ATG10: variants seen among roughly 807,000 people sequenced by gnomAD.
ATG10 encodes autophagy related 10.
In ATG10, 30 loss-of-function variants were observed where a neutral mutation model predicts 32.1. The ratio of observed to expected loss-of-function variants is 0.94; its 90% CI spans 0.70 to 1.27. The LOEUF is 1.27. ATG10 is among the 50% of genes most tolerant of loss of function. The pLI, the probability that ATG10 is intolerant of heterozygous loss-of-function variation, is 0.00. For missense variants in ATG10, 233 were observed against 262.3 expected (o/e 0.89, Z 0.77); for synonymous variants, 87 against 91.5 (o/e 0.95, Z 0.28).
chr5:82,229,613 G>A (rs904550102), intron 5 of ATG10, among the ~76,000 whole-genome samples: 2 of 152,184 alleles, frequency 1.3e-5, no homozygotes, highest in Admixed American at 1.3e-4. Context: ...GAGAAGTGGT[G>A]TGTTAATGCT....
At chr5:81,972,546 A>G (rs1180937736) in intron 1 of ATG10, 1 of 152,234 alleles carries the variant, frequency 6.6e-6, no homozygotes, top group African/African-American at 2.4e-5. Flanking sequence ...CGTCGCGCAC[A>G]CGGTGTCACC....
chr5:82,131,641 CTTT>C (rs71000885), intron 3 of ATG10, among the ~76,000 whole-genome samples: 4 of 146,490 alleles, frequency 2.7e-5, no homozygotes, highest in East Asian at 4.0e-4. Context: ...TTTTATTCTA[CTTT>C]TTTTTTTTTT....
At chr5:82,083,776 G>C (rs577698582) in intron 3 of ATG10, among the ~76,000 whole-genome samples, 8 of 152,152 alleles carry the variant, frequency 5.3e-5, no homozygotes, top group Non-Finnish European at 8.8e-5. Flanking sequence ...ACTGTTAGAA[G>C]GAAAATGAAC....
At chr5:82,231,353 T>C (rs905028952) in intron 5 of ATG10, among the ~76,000 whole-genome samples, 2 of 152,210 alleles carry the variant, frequency 1.3e-5, no homozygotes, top group African/African-American at 4.8e-5. Context: ...TGCTTAAAGT[T>C]TTAATAAAAC....
chr5:82,200,344 C>G (rs1745016723), intron 5 of ATG10, among the ~76,000 whole-genome samples: 1 of 151,122 alleles, frequency 6.6e-6, no homozygotes, highest in Non-Finnish European at 1.5e-5. Context: ...TAGTATCATA[C>G]TATGGTTTTT....
chr5:82,199,863 G>A (rs74960773), intron 5 of ATG10, among the ~76,000 whole-genome samples: 73 of 152,122 alleles, frequency 4.8e-4, no homozygotes, highest in African/African-American at 1.7e-3. Flanking sequence ...ATTGTTTTAC[G>A]TTTTTCGGAA....
intron 5 of ATG10, among the ~76,000 whole-genome samples, chr5:82,220,788 A>C (rs541568415): frequency 6.2e-4 from 91 of 147,488 alleles, no homozygotes; most frequent in Non-Finnish European, 7.6e-4. Flanking sequence ...TAAAGATGGA[A>C]TCTCGCTTTG....
intron 5 of ATG10, among the ~76,000 whole-genome samples, chr5:82,230,094 G>T (rs1388624447): frequency 6.6e-6 from 1 of 152,152 alleles, no homozygotes; most frequent in Admixed American, 6.5e-5. Flanking sequence ...CTTGCATCAG[G>T]TCACTAATTC....
chr5:82,201,906 A>G (rs887444635), intron 5 of ATG10, among the ~76,000 whole-genome samples: 1 of 152,214 alleles, frequency 6.6e-6, no homozygotes, highest in Non-Finnish European at 1.5e-5. Context: ...TATGTTTAAT[A>G]TCTGTTAAAT....
At chr5:82,185,440 T>G (rs1744411428) in intron 5 of ATG10, among the ~76,000 whole-genome samples, 2 of 152,198 alleles carry the variant, frequency 1.3e-5, no homozygotes, top group African/African-American at 4.8e-5. Flanking sequence ...TAATACTATA[T>G]AAGAGTAAGT....
At chr5:82,234,378 G>A (rs886141149) in intron 5 of ATG10, among the ~76,000 whole-genome samples, 1 of 152,154 alleles carries the variant, frequency 6.6e-6, no homozygotes, top group South Asian at 2.1e-4. Context: ...GGCCCACCCT[G>A]CAGAAGCAGG....
intron 4 of ATG10, among the ~76,000 whole-genome samples, chr5:82,171,128 A>T (rs1743792222): frequency 6.6e-6 from 1 of 152,116 alleles, no homozygotes; most frequent in African/African-American, 2.4e-5. Flanking sequence ...GTTCATCAAA[A>T]TGGTCTTATA....
intron 3 of ATG10, among the ~76,000 whole-genome samples, chr5:82,077,908 CACTG>C (rs1442179771): frequency 6.6e-6 from 1 of 152,190 alleles, no homozygotes. Flanking sequence ...TCTGATCTTT[CACTG>C]ACTGTAGTAC....
At chr5:82,104,752 A>G (rs1016515294) in intron 3 of ATG10, among the ~76,000 whole-genome samples, 60 of 152,254 alleles carry the variant, frequency 3.9e-4, no homozygotes, top group African/African-American at 1.3e-3. Flanking sequence ...AGACCTACTG[A>G]TTTAAGGGGG....
chr5:82,119,780 A>G (rs2149825182), intron 3 of ATG10, among the ~76,000 whole-genome samples: 1 of 152,272 alleles, frequency 6.6e-6, no homozygotes, highest in South Asian at 2.1e-4. Flanking sequence ...ACACATTTTT[A>G]AAAAACAACA....
At chr5:82,179,502 AT>A (rs1477733122) in intron 5 of ATG10, among the ~76,000 whole-genome samples, 1 of 152,148 alleles carries the variant, frequency 6.6e-6, no homozygotes, top group Non-Finnish European at 1.5e-5. Flanking sequence ...TGCAATAGTG[AT>A]TTGCAAAAGT....
At chr5:82,003,242 A>T (rs940023996) in intron 2 of ATG10, among the ~76,000 whole-genome samples, 2 of 152,242 alleles carry the variant, frequency 1.3e-5, no homozygotes, top group Non-Finnish European at 2.9e-5. Context: ...CGTAATATTA[A>T]TCTGCACTGG....
In ATG10 at chr5:81,992,810, T is replaced by C. The variant is rs150756348; in HGVS notation, c.108+5132T>C. On this transcript the variant is annotated intron_variant, in intron 2 of 7. Transcript: ENST00000282185. ...AACATTACTTTTCAGGCAAAGTTGA[T>C]GAGAAAAGCAGTGCGAATTAATGAA... Among the ~76,000 whole-genome samples the C allele has an allele frequency of 5.2e-3, 798 of 152,310 alleles. 5 individuals are homozygous for C. The highest frequency in any genetic ancestry group is 0.016 in the African/African-American group (646 of 41,578).
chr5:82,187,700 G>T (rs1166828854), intron 5 of ATG10, among the ~76,000 whole-genome samples: 1 of 151,300 alleles, frequency 6.6e-6, no homozygotes, highest in Non-Finnish European at 1.5e-5. Context: ...TGATTCTCCT[G>T]CCTCAGCCTC....
Sources: gnomAD v4.1 joint callset for allele counts (sites outside exome capture counted in the v4.1 genomes callset) on GRCh38, gnomAD v4.1.1 for gene constraint, MANE v1.5 for transcripts, NCBI Gene and HGNC (gene_info 2026-07-23, HGNC 2026-07-21) for gene names.